The following DDX39B variants were observed in gnomAD, a reference collection of about 807,000 sequenced individuals.
DDX39B encodes DExD-box helicase 39B.
DDX39B carries 6 observed loss-of-function variants against 46.4 expected under a neutral mutation model. The observed-to-expected ratio is 0.13, with a 90% CI of 0.07 to 0.26. DDX39B has a LOEUF of 0.26. Among genes scored for constraint, DDX39B ranks in the 10% least tolerant of loss-of-function variants. DDX39B has a pLI of 1.00. For synonymous variants in DDX39B, 174 were observed against 199.4 expected, an observed-to-expected ratio of 0.87 and a Z score of 1.07; for missense variants, 185 against 553.4, an observed-to-expected ratio of 0.33 and a Z score of 6.68.
At chr6:31,539,404 T>C in intron 2 of DDX39B, 130 bp from the exon 3 acceptor site, 1 of 1,337,822 alleles carries the variant, frequency 7.5e-7, no homozygotes, top group East Asian at 2.4e-5. Context: ...TCTTGCCAAC[T>C]TCCAGACCCA....
At chr6:31,541,074 C>A (rs746801915) in intron 1 of DDX39B, 2 of 530,772 alleles carry the variant, frequency 3.8e-6, no homozygotes, top group African/African-American at 3.9e-5. Context: ...CTATTATAAT[C>A]CCACCGTTAT....
rs1459330886 is a variant in DDX39B at position 31,534,949 on chromosome 6, C to T, written c.735+418G>A. The T allele has an allele frequency of 7.6e-6, 2 of 264,172 alleles. No individual in the cohort carries two copies. The highest frequency in any genetic ancestry group is 9.1e-5 in the East Asian group (1 of 10,990). 16.4% of individuals were successfully genotyped at this position (264,172 alleles called of 1,614,324 possible). A position where few individuals can be genotyped will look rare whatever the true frequency, so the allele number is the denominator to read the frequency against. On this transcript the variant is annotated intron_variant, in intron 6 of 10. Coordinates refer to ENST00000396172, the MANE Select transcript of DDX39B (RefSeq NM_004640.7). The surrounding 1 kb of genome is among the most constrained non-coding windows in gnomAD (Gnocchi z 5.1). The stretch of plus-strand genomic sequence containing the variant: ...TGTCCCTCTCTTGCTCTCCTGCCAC[C>T]GGGAAGTAGGAGTTTTGGTGAGCAG...
At position 31,534,585 on chromosome 6, in the gene DDX39B, T is replaced by G; in HGVS notation, c.735+782A>C. On this transcript the variant is annotated intron_variant, in intron 6 of 10. Transcript: ENST00000396172. The surrounding 1 kb of genome is among the most constrained non-coding windows in gnomAD (Gnocchi z 5.1). ...ATTCAGGACACCCCTCCCCAACACA[T>G]ATTGGGGGAAACGGGGCACGGCACG... 1 of 444,738 alleles carries G rather than the reference T, an allele frequency of 2.2e-6. No homozygotes were observed. The highest frequency in any genetic ancestry group is 2.8e-5 in the Admixed American group (1 of 36,328). 27.5% of individuals were successfully genotyped at this position (444,738 alleles called of 1,614,324 possible). A position where few individuals can be genotyped will look rare whatever the true frequency, so the allele number is the denominator to read the frequency against.
rs533079335 is a variant in DDX39B, at chr6:31,535,843, G to C, written c.617-358C>G. Among the ~76,000 whole-genome samples, 2 of 152,202 alleles carry C rather than the reference G, an allele frequency of 1.3e-5. No individual in the cohort carries two copies. Among genetic ancestry groups the C allele is most frequent in the African/African-American group, 4.8e-5 (2 of 41,522 alleles). On this transcript the variant is annotated intron_variant, in intron 5 of 10. Coordinates refer to ENST00000396172, the MANE Select transcript of DDX39B (RefSeq NM_004640.7). This position sits in a 1 kb window ranked among gnomAD's most constrained non-coding sequence, Gnocchi z 4.6. ...AGCACATATTATATTCCAGATATCA[G>C]AGTCCATCTATGACTCTCTGGATTA...
intron 4 of DDX39B, among the ~76,000 whole-genome samples, chr6:31,537,381 G>T (rs956149537): frequency 3.3e-5 from 5 of 151,962 alleles, no homozygotes; most frequent in Non-Finnish European, 5.9e-5. Flanking sequence ...AGGCGAGATT[G>T]AGCCACTGTA....
At position 31,534,522 on chromosome 6, in the gene DDX39B, A is replaced by C. The variant is rs1767556450; in HGVS notation, c.735+845T>G. ...CCCTCTCCTCTGAGTATTAAAAAAA[A>C]CAAAAAAATTTTTTTAAGAAAAAAA... is the stretch of plus-strand genomic sequence containing the variant. On this transcript the variant is annotated intron_variant, in intron 6 of 10. Transcript: ENST00000396172. This position sits in a 1 kb window ranked among gnomAD's most constrained non-coding sequence, Gnocchi z 5.1. 1 of 469,934 alleles carries C rather than the reference A, an allele frequency of 2.1e-6. No individual in the cohort carries two copies. Among genetic ancestry groups the C allele is most frequent in the Non-Finnish European group, 4.4e-6 (1 of 226,836 alleles). The allele number at this position is 469,934 out of a possible 1,614,324, so 29.1% of individuals were successfully genotyped here. A position where few individuals can be genotyped will look rare whatever the true frequency, so the allele number is the denominator to read the frequency against.
chr6:31,541,621 C>G lies in DDX39B; in HGVS notation c.-133+329G>C, dbSNP rs932074954. The stretch of plus-strand genomic sequence containing the variant: ...ACAAGGAAGGTGAGAAGAGCCCCGC[C>G]CTCCGCAAATACCAAGACCAAGGGA... On this transcript the variant is annotated intron_variant, in intron 1 of 10. Transcript: ENST00000396172. 9.2e-5 allele frequency: 44 copies of G among 478,382 alleles called. No homozygotes were observed. In the Middle Eastern group the frequency reaches 1.6e-3, roughly 17 times the overall value. 29.6% of individuals were successfully genotyped at this position (478,382 alleles called of 1,614,324 possible).
intron 7 of DDX39B, chr6:31,532,461 A>G (rs964062205): frequency 4.2e-6 from 1 of 240,076 alleles, no homozygotes; most frequent in Non-Finnish European, 8.4e-6. Flanking sequence ...ACTGGTCTCA[A>G]ACTCCTGGAC....
chr6:31,539,588 A>G (rs1198438161), intron 2 of DDX39B, among the ~76,000 whole-genome samples: 1 of 152,098 alleles, frequency 6.6e-6, no homozygotes, highest in Non-Finnish European at 1.5e-5. Flanking sequence ...TTAATCTGTA[A>G]CAATTCATGA....
At chr6:31,539,534 C>T (rs917059041) in intron 2 of DDX39B, among the ~76,000 whole-genome samples, 1 of 152,210 alleles carries the variant, frequency 6.6e-6, no homozygotes, top group African/African-American at 2.4e-5. Flanking sequence ...CTTGCATCTA[C>T]CAACCGCTCA....
chr6:31,535,221 A>G lies in DDX39B; in HGVS notation c.735+146T>C. On this transcript the variant is annotated intron_variant, in intron 6 of 10. Transcript: ENST00000396172. The surrounding 1 kb of genome is among the most constrained non-coding windows in gnomAD (Gnocchi z 4.6). ...TAACACTAGCTGTCTCTGCTTCTGT[A>G]TGTCTCTTCAAGGAGTCATTACTCC... 2.6e-6 allele frequency: 2 copies of G among 758,224 alleles called. No individual in the cohort carries two copies. Among genetic ancestry groups the G allele is most frequent in the South Asian group, 1.5e-5 (1 of 66,212 alleles). 47.0% of individuals were successfully genotyped at this position (758,224 alleles called of 1,614,324 possible). A position where few individuals can be genotyped will look rare whatever the true frequency, so the allele number is the denominator to read the frequency against.
intron 6 of DDX39B, chr6:31,533,127 CT>C: frequency 2.1e-6 from 1 of 469,128 alleles, no homozygotes; most frequent in Non-Finnish European, 3.9e-6. Flanking sequence ...AGTTTTAAGA[CT>C]GCCCAACTAA....
In DDX39B at chr6:31,534,383, G is replaced by A. The variant is rs1364774031; in HGVS notation, c.735+984C>T. ...TACAGCTAAAGAGTGATCATCCCAC[G>A]GGAAGGAACACTGCAGGGAGGGGAA... On this transcript the variant is annotated intron_variant, in intron 6 of 10. Transcript: ENST00000396172. This position sits in a 1 kb window ranked among gnomAD's most constrained non-coding sequence, Gnocchi z 5.1. 3 of 430,366 alleles carry A rather than the reference G, an allele frequency of 7.0e-6. No individual in the cohort carries two copies. The Admixed American group carries it at 9.2e-5, about 13-fold the overall frequency. 26.7% of individuals were successfully genotyped at this position (430,366 alleles called of 1,614,324 possible). A position where few individuals can be genotyped will look rare whatever the true frequency, so the allele number is the denominator to read the frequency against.
chr6:31,539,141 A>G lies in DDX39B; in HGVS notation c.339+6T>C. 6.2e-7 allele frequency: 1 copy of G among 1,613,132 alleles called. No homozygotes were observed. Among genetic ancestry groups the G allele is most frequent in the Non-Finnish European group, 8.5e-7 (1 of 1,180,012 alleles). On this transcript the variant is annotated splice_donor_region_variant and intron_variant, in intron 3 of 10. Transcript: ENST00000396172. The stretch of plus-strand genomic sequence containing the variant: ...ATCCCCTCCCCAGCACTCTCCCCAA[A>G]TATACCTGCCCAGTAACTGGCTCCA...
At chr6:31,536,433 A>T in intron 5 of DDX39B, 67 bp downstream of exon 5, 1 of 1,608,620 alleles carries the variant, frequency 6.2e-7, no homozygotes, top group Non-Finnish European at 8.5e-7. Flanking sequence ...TCCTGTTTCA[A>T]ATAAACATCA....
Position 31,530,988 on chromosome 6 carries a change from T to C in DDX39B, c.1123-62A>G. On this transcript the variant is annotated intron_variant, in intron 9 of 10. Coordinates refer to ENST00000396172, the MANE Select transcript of DDX39B (RefSeq NM_004640.7). The surrounding 1 kb of genome is among the most constrained non-coding windows in gnomAD (Gnocchi z 4.5). Reference sequence around the variant, plus strand: ...GAGGAAAGAGACCCAGAGGCAGGAATGAAGATGTACAAACAGAAAACAAGG... The same window carrying C: ...GAGGAAAGAGACCCAGAGGCAGGAACGAAGATGTACAAACAGAAAACAAGG... 6.2e-7 allele frequency: 1 copy of C among 1,613,332 alleles called. No individual in the cohort carries two copies. Among genetic ancestry groups the C allele is most frequent in the Non-Finnish European group, 8.5e-7 (1 of 1,179,422 alleles).
chr6:31,530,979 A>AT lies in DDX39B; in HGVS notation c.1123-54_1123-53insA, dbSNP rs1767095147. ...AAGACCGAAGAGGAAAGAGACCCAG[A>AT]GGCAGGAATGAAGATGTACAAACAG... On this transcript the variant is annotated intron_variant, in intron 9 of 10. Coordinates refer to ENST00000396172, the MANE Select transcript of DDX39B (RefSeq NM_004640.7). This position sits in a 1 kb window ranked among gnomAD's most constrained non-coding sequence, Gnocchi z 4.5. 6.2e-7 allele frequency: 1 copy of AT among 1,613,498 alleles called. No individual in the cohort carries two copies. Among genetic ancestry groups the AT allele is most frequent in the African/African-American group, 1.3e-5 (1 of 74,918 alleles).
At chr6:31,541,773 C>T (rs1313302061) in intron 1 of DDX39B, 177 bp downstream of exon 1, 1 of 657,362 alleles carries the variant, frequency 1.5e-6, no homozygotes, top group Non-Finnish European at 2.9e-6. Flanking sequence ...CTTAGCTTCC[C>T]TTCCTTCCCC....
At chr6:31,539,982 TCC>T (rs72548015) in intron 2 of DDX39B, among the ~76,000 whole-genome samples, 2 of 55,688 alleles carry the variant, frequency 3.6e-5, no homozygotes, top group Admixed American at 2.2e-4. Context: ...TTGATACTTA[TCC>T]CCTGATTTTT....
Sources: gnomAD v4.1 joint callset for allele counts (sites outside exome capture counted in the v4.1 genomes callset) on GRCh38, gnomAD v4.1.1 for gene constraint, Gnocchi (gnomAD v3.1) non-coding constraint, MANE v1.5 for transcripts, NCBI Gene and HGNC (gene_info 2026-07-23, HGNC 2026-07-21) for gene names.